CSMD1: variants seen among roughly 807,000 people sequenced by gnomAD.
CSMD1 encodes CUB and Sushi multiple domains 1.
In CSMD1, 213 loss-of-function variants were observed where a neutral mutation model predicts 417.5. That is an observed-to-expected ratio of 0.51 (90% CI 0.46 to 0.57). The LOEUF (loss-of-function observed/expected upper bound fraction) is 0.57, where lower values mean the gene tolerates loss of function less well. CSMD1 is among the 20% of genes least tolerant of loss of function. The pLI, the probability that CSMD1 is intolerant of heterozygous loss-of-function variation, is 0.00. For missense variants in CSMD1, 6,923 were observed against 4,529.7 expected, an observed-to-expected ratio of 1.53 and a Z score of -15.17; for synonymous variants, 2,862 against 1,736.8, an observed-to-expected ratio of 1.65 and a Z score of -16.11.
intron 17 of CSMD1, among the ~76,000 whole-genome samples, chr8:3,394,441 C>T (rs1033368439): frequency 4.0e-5 from 6 of 151,850 alleles, no homozygotes; most frequent in African/African-American, 1.5e-4. Context: ...TTTCTTCTGC[C>T]TTCACTTAGC....
At chr8:4,230,380 A>G (rs1199739750) in intron 3 of CSMD1, among the ~76,000 whole-genome samples, 1 of 152,230 alleles carries the variant, frequency 6.6e-6, no homozygotes, top group Non-Finnish European at 1.5e-5. Flanking sequence ...ACCTGAGGTC[A>G]GACAACTAAT....
chr8:3,855,590 A>G (rs1270727405), intron 5 of CSMD1, among the ~76,000 whole-genome samples: 3 of 152,188 alleles, frequency 2.0e-5, no homozygotes, highest in Admixed American at 6.6e-5. Flanking sequence ...CAGTTGGTAC[A>G]ATGCCAGATG....
intron 3 of CSMD1, among the ~76,000 whole-genome samples, chr8:4,322,731 G>A (rs192882153): frequency 6.6e-6 from 1 of 152,184 alleles, no homozygotes; most frequent in Admixed American, 6.5e-5. Flanking sequence ...CACGGGGCTC[G>A]TGCCTGTAAT....
intron 2 of CSMD1, among the ~76,000 whole-genome samples, chr8:4,633,540 T>G (rs187740968): frequency 4.0e-5 from 6 of 151,830 alleles, no homozygotes; most frequent in African/African-American, 1.4e-4. Context: ...AGAGCCGCCA[T>G]GCCAGGCCTA....
intron 1 of CSMD1, among the ~76,000 whole-genome samples, chr8:4,878,556 G>T (rs1433256415): frequency 6.6e-6 from 1 of 151,832 alleles, no homozygotes; most frequent in Non-Finnish European, 1.5e-5. Context: ...ACCCCCAAAA[G>T]TCAATAGAAT....
chr8:4,936,708 T>G (rs930193756), intron 1 of CSMD1, among the ~76,000 whole-genome samples: 27 of 152,216 alleles, frequency 1.8e-4, no homozygotes, highest in Admixed American at 1.8e-3. Context: ...CTGTAATTCA[T>G]TAAACATCAA....
chr8:4,990,819 A>C (rs1000869286), intron 1 of CSMD1, among the ~76,000 whole-genome samples: 1 of 152,058 alleles, frequency 6.6e-6, no homozygotes. Context: ...TGGTGGGATG[A>C]GTCTTTAATA....
intron 3 of CSMD1, among the ~76,000 whole-genome samples, chr8:4,205,577 T>C (rs11780805): frequency 6.6e-6 from 1 of 152,138 alleles, no homozygotes; most frequent in African/African-American, 2.4e-5. Flanking sequence ...TGACACAGCA[T>C]ATAAATGATG....
Position 4,149,773 on chromosome 8 carries a change from C to A in CSMD1, c.416-117674G>T, listed in dbSNP as rs148486462. On this transcript the variant is annotated intron_variant, in intron 3 of 69. Transcript: ENST00000635120. ...TCCAGCCAGGCCTTGCTGGATGTGT[C>A]GTAGTTGCTTCAGGGAAGGTCACTT... is the stretch of plus-strand genomic sequence containing the variant. Among the ~76,000 whole-genome samples the A allele has an allele frequency of 3.9e-4, 59 of 152,304 alleles. No homozygotes were observed. The East Asian group carries it at 0.01, about 26-fold the overall frequency.
intron 28 of CSMD1, 146 bp from the exon 29 acceptor site, chr8:3,219,588 G>A: frequency 9.1e-6 from 5 of 549,268 alleles, no homozygotes; most frequent in East Asian, 3.2e-5. Context: ...AATGTAGTAT[G>A]AATCAAAATA....
chr8:3,472,058 G>A (rs1165091848), intron 11 of CSMD1, among the ~76,000 whole-genome samples: 1 of 152,012 alleles, frequency 6.6e-6, no homozygotes, highest in African/African-American at 2.4e-5. Flanking sequence ...TGACTCTACT[G>A]CTGTCCATCA....
At chr8:3,732,082 A>T (rs1216513166) in intron 6 of CSMD1, among the ~76,000 whole-genome samples, 1 of 152,172 alleles carries the variant, frequency 6.6e-6, no homozygotes, top group East Asian at 1.9e-4. Flanking sequence ...AGAGCCTAAT[A>T]AAATGGATGC....
intron 1 of CSMD1, among the ~76,000 whole-genome samples, chr8:4,668,066 T>C (rs181596616): frequency 9.2e-5 from 14 of 152,348 alleles, no homozygotes; most frequent in East Asian, 7.7e-4. Context: ...TTAACACGTA[T>C]TAATTTGACC....
intron 51 of CSMD1, among the ~76,000 whole-genome samples, chr8:3,022,265 TCCCACATCCAGAGCATCCGGAATGCACCC>T (rs1809494576): frequency 7.4e-6 from 1 of 135,986 alleles, no homozygotes; most frequent in African/African-American, 2.9e-5. Flanking sequence ...GCACCCGCAA[TCCCACATCCAGAGCATCCGGAATGCACCC>T]GCAATCCCAC....
chr8:3,727,511 G>A (rs962495613), intron 6 of CSMD1, among the ~76,000 whole-genome samples: 2 of 152,202 alleles, frequency 1.3e-5, no homozygotes, highest in African/African-American at 4.8e-5. Context: ...ATGCACTGCT[G>A]GTGTGAATGT....
At chr8:4,410,204 C>T (rs1163573456) in intron 3 of CSMD1, among the ~76,000 whole-genome samples, 2 of 152,194 alleles carry the variant, frequency 1.3e-5, no homozygotes, top group African/African-American at 4.8e-5. Flanking sequence ...GATACTGAAC[C>T]AAACAGTTTA....
chr8:4,919,646 C>T (rs1475190960), intron 1 of CSMD1, among the ~76,000 whole-genome samples: 1 of 152,194 alleles, frequency 6.6e-6, no homozygotes, highest in Non-Finnish European at 1.5e-5. Flanking sequence ...AATATCGATA[C>T]TCCAGTACAT....
chr8:3,561,635 G>A (rs566458886), intron 10 of CSMD1, among the ~76,000 whole-genome samples: 1 of 152,140 alleles, frequency 6.6e-6, no homozygotes, highest in Non-Finnish European at 1.5e-5. Flanking sequence ...GAGGAGAGAG[G>A]CAGGAGAGTA....
chr8:3,103,715 G>A (rs1400330331), intron 46 of CSMD1, among the ~76,000 whole-genome samples: 4 of 151,074 alleles, frequency 2.6e-5, no homozygotes, highest in African/African-American at 9.8e-5. Context: ...TGGTTCATCT[G>A]GAGAGGACAC....
Sources: allele counts gnomAD v4.1 joint callset (sites outside exome capture counted in the v4.1 genomes callset), GRCh38; gene constraint gnomAD v4.1.1; transcripts MANE v1.5; gene names NCBI Gene and HGNC (gene_info 2026-07-23, HGNC 2026-07-21).